CPQ: variants seen among roughly 807,000 people sequenced by gnomAD.
The protein encoded by CPQ is carboxypeptidase Q.
Under a neutral mutation model 45.7 loss-of-function variants are expected in CPQ, and 37 were observed. The observed-to-expected ratio is 0.81, with a 90% CI of 0.62 to 1.07. The LOEUF (loss-of-function observed/expected upper bound fraction) is 1.07. Ranked by LOEUF, CPQ falls within the 50% of genes least tolerant of loss-of-function variation. The pLI is 0.00. For missense variants in CPQ, 537 were observed against 572.9 expected (o/e 0.94, Z 0.64); for synonymous variants, 186 against 205.8 (o/e 0.90, Z 0.82).
chr8:97,020,936 C>G (rs1441261422), intron 5 of CPQ, among the ~76,000 whole-genome samples: 2 of 152,088 alleles, frequency 1.3e-5, no homozygotes, highest in Admixed American at 1.3e-4. Flanking sequence ...AAACTAAAGA[C>G]CAATATCCCT....
intron 7 of CPQ, among the ~76,000 whole-genome samples, chr8:97,072,298 T>C (rs964819879): frequency 6.6e-6 from 1 of 152,114 alleles, no homozygotes; most frequent in South Asian, 2.1e-4. Context: ...AGCTGCAATA[T>C]CTGATCATCC....
At chr8:96,749,018 T>C (rs1810225868) in intron 1 of CPQ, among the ~76,000 whole-genome samples, 1 of 152,184 alleles carries the variant, frequency 6.6e-6, no homozygotes, top group Non-Finnish European at 1.5e-5. Flanking sequence ...TTTCCAGATT[T>C]CTTGGTATGT....
At chr8:96,883,869 CT>C (rs1304485067) in intron 4 of CPQ, among the ~76,000 whole-genome samples, 1 of 152,160 alleles carries the variant, frequency 6.6e-6, no homozygotes, top group East Asian at 1.9e-4. Context: ...CTTTCTTTTC[CT>C]TTTTCCCGCC....
At chr8:96,732,921 A>G (rs1809930548) in intron 1 of CPQ, among the ~76,000 whole-genome samples, 1 of 152,150 alleles carries the variant, frequency 6.6e-6, no homozygotes, top group African/African-American at 2.4e-5. Flanking sequence ...AAATGTTTCA[A>G]TGTTAGTGAG....
chr8:96,918,184 A>G (rs929070842), intron 4 of CPQ, among the ~76,000 whole-genome samples: 6 of 152,154 alleles, frequency 3.9e-5, no homozygotes, highest in Non-Finnish European at 5.9e-5. Flanking sequence ...CTGTTCCCCA[A>G]GAACAACACT....
chr8:97,085,135 G>C (rs192252555), intron 7 of CPQ, among the ~76,000 whole-genome samples: 12 of 152,126 alleles, frequency 7.9e-5, no homozygotes, highest in Admixed American at 7.2e-4. Flanking sequence ...TGTAATACCA[G>C]CAATTTGAGA....
chr8:96,894,245 T>C (rs1447987309), intron 4 of CPQ, among the ~76,000 whole-genome samples: 1 of 152,200 alleles, frequency 6.6e-6, no homozygotes, highest in Non-Finnish European at 1.5e-5. Context: ...CACCCAGCTA[T>C]GCCACTCCCA....
At chr8:96,956,382 AT>A (rs1488572311) in intron 4 of CPQ, among the ~76,000 whole-genome samples, 1 of 151,240 alleles carries the variant, frequency 6.6e-6, no homozygotes, top group African/African-American at 2.4e-5. Context: ...TTTTCGGACC[AT>A]TTTTTTTGAG....
At chr8:96,892,252 G>A (rs961923963) in intron 4 of CPQ, among the ~76,000 whole-genome samples, 2 of 152,300 alleles carry the variant, frequency 1.3e-5, no homozygotes, top group Admixed American at 6.5e-5. Context: ...AACCAAACCT[G>A]ATTGGCCTGG....
At chr8:96,926,617 CT>C (rs1185307791) in intron 4 of CPQ, among the ~76,000 whole-genome samples, 22 of 149,002 alleles carry the variant, frequency 1.5e-4, no homozygotes, top group Non-Finnish European at 2.8e-4. Flanking sequence ...TCTTCTTCTT[CT>C]TCTTCTCCTC....
At chr8:96,653,394 G>T (rs1815600610) in intron 1 of CPQ, among the ~76,000 whole-genome samples, 1 of 152,006 alleles carries the variant, frequency 6.6e-6, no homozygotes, top group Non-Finnish European at 1.5e-5. Flanking sequence ...CAGGCTCTTT[G>T]TCCATTTTTT....
At chr8:96,880,650 C>G (rs1487948382) in intron 4 of CPQ, among the ~76,000 whole-genome samples, 1 of 147,762 alleles carries the variant, frequency 6.8e-6, no homozygotes, top group Non-Finnish European at 1.5e-5. Context: ...CAACTGAAGG[C>G]CATTATCCTA....
chr8:96,988,539 A>G (rs1809032064), intron 5 of CPQ, among the ~76,000 whole-genome samples: 2 of 152,326 alleles, frequency 1.3e-5, no homozygotes, highest in South Asian at 2.1e-4. Flanking sequence ...CCAAGTGCAG[A>G]TGCTGTTTTC....
In CPQ at chr8:96,893,262, A is replaced by G. The variant is rs542311526; in HGVS notation, c.849+13257A>G. On this transcript the variant is annotated intron_variant, in intron 4 of 7. Transcript: ENST00000220763. ...AGAGTTTCCCATTTTACTCTAAATG[A>G]AAAAGAAAACCAGGACAACCATCAG... is the stretch of plus-strand genomic sequence containing the variant. Among the ~76,000 whole-genome samples, 12 of 152,334 alleles carry G rather than the reference A, an allele frequency of 7.9e-5. No homozygotes were observed. The South Asian group carries it at 2.3e-3, about 29-fold the overall frequency.
chr8:96,941,349 T>A (rs1043341327), intron 4 of CPQ, among the ~76,000 whole-genome samples: 6 of 152,178 alleles, frequency 3.9e-5, no homozygotes, highest in Admixed American at 6.6e-5. Flanking sequence ...TTGTAAACTT[T>A]ATTTGCATGC....
chr8:96,925,730 G>T (rs368032393), intron 4 of CPQ, among the ~76,000 whole-genome samples: 1 of 142,904 alleles, frequency 7.0e-6, no homozygotes, highest in Non-Finnish European at 1.5e-5. Flanking sequence ...TTGCTCTGTC[G>T]CCAGGCTGGA....
At chr8:96,990,457 T>G (rs1809067895) in intron 5 of CPQ, among the ~76,000 whole-genome samples, 1 of 152,204 alleles carries the variant, frequency 6.6e-6, no homozygotes, top group Admixed American at 6.5e-5. Flanking sequence ...AAGGGCATGT[T>G]GAATAGTCTT....
intron 1 of CPQ, among the ~76,000 whole-genome samples, chr8:96,681,319 C>G (rs1809147873): frequency 6.6e-6 from 1 of 152,142 alleles, no homozygotes; most frequent in Non-Finnish European, 1.5e-5. Flanking sequence ...CTCTGTGCAG[C>G]CTAGGGACTT....
chr8:96,772,214 AACCAAGGTGGAGAGGAAG>A (rs1449049238), intron 1 of CPQ, among the ~76,000 whole-genome samples: 1 of 152,114 alleles, frequency 6.6e-6, no homozygotes, highest in East Asian at 1.9e-4. Context: ...AGATAACTGA[AACCAAGGTGGAGAGGAAG>A]ACCTAGGGGA....
Sources: gnomAD v4.1 joint callset for allele counts (sites outside exome capture counted in the v4.1 genomes callset) on GRCh38, gnomAD v4.1.1 for gene constraint, MANE v1.5 for transcripts, NCBI Gene and HGNC (gene_info 2026-07-23, HGNC 2026-07-21) for gene names.